Variants in DOCK1 observed in about 807,000 individuals in gnomAD.
The protein encoded by DOCK1 is dedicator of cytokinesis 1.
DOCK1 carries 138 observed loss-of-function variants against 262.7 expected under a neutral mutation model. The ratio of observed to expected loss-of-function variants is 0.53; its 90% CI spans 0.46 to 0.61. DOCK1 has a LOEUF of 0.61. Ranked by LOEUF, DOCK1 falls within the 20% of genes least tolerant of loss-of-function variation. DOCK1 has a pLI of 0.00. For synonymous variants in DOCK1, 866 were observed against 867.4 expected (o/e 1.00, Z 0.03); for missense variants, 1,908 against 2,370.7 (o/e 0.80, Z 4.05).
chr10:127,138,257 G>T (rs1333849621), intron 27 of DOCK1, among the ~76,000 whole-genome samples: 1 of 152,146 alleles, frequency 6.6e-6, no homozygotes, highest in Non-Finnish European at 1.5e-5. Context: ...TTAATATTGT[G>T]TTAATGTGCA....
chr10:127,320,378 C>T (rs971385903), intron 29 of DOCK1, among the ~76,000 whole-genome samples: 12 of 152,194 alleles, frequency 7.9e-5, no homozygotes, highest in African/African-American at 2.2e-4. Flanking sequence ...AGCCAAGGAG[C>T]AGTTGCGTAA....
At chr10:127,186,606 ACAGAGAGCCAAACCGTAT>A (rs2056295362) in intron 27 of DOCK1, among the ~76,000 whole-genome samples, 1 of 145,278 alleles carries the variant, frequency 6.9e-6, no homozygotes, top group Admixed American at 7.1e-5. Context: ...TTGGGTGGGG[ACAGAGAGCCAAACCGTAT>A]CAGAGGGGCA....
intron 29 of DOCK1, among the ~76,000 whole-genome samples, chr10:127,259,191 G>A (rs564417560): frequency 6.6e-6 from 1 of 152,336 alleles, no homozygotes; most frequent in Admixed American, 6.5e-5. Context: ...GGGGAGCAGA[G>A]TGGGGGTCTT....
At chr10:127,256,376 A>G (rs866589690) in intron 28 of DOCK1, among the ~76,000 whole-genome samples, 2 of 152,228 alleles carry the variant, frequency 1.3e-5, no homozygotes, top group Non-Finnish European at 1.5e-5. Flanking sequence ...GCACCTAATT[A>G]TGATTCAGGA....
intron 11 of DOCK1, among the ~76,000 whole-genome samples, chr10:127,011,040 G>A (rs1020169796): frequency 2.6e-5 from 4 of 152,214 alleles, no homozygotes; most frequent in Non-Finnish European, 5.9e-5. Context: ...GTTATGAGTT[G>A]TTTGAGATTG....
chr10:127,297,347 C>G (rs1453847094), intron 29 of DOCK1, among the ~76,000 whole-genome samples: 4 of 152,098 alleles, frequency 2.6e-5, no homozygotes, highest in Non-Finnish European at 5.9e-5. Context: ...ATGGATTATA[C>G]TGGCTGGATC....
At chr10:127,109,505 A>G (rs2048737700) in intron 24 of DOCK1, among the ~76,000 whole-genome samples, 1 of 152,058 alleles carries the variant, frequency 6.6e-6, no homozygotes, top group Non-Finnish European at 1.5e-5. Context: ...CATTTTTATA[A>G]CCCCAGCAAG....
At chr10:127,396,564 A>T (rs1238388410) in intron 38 of DOCK1, among the ~76,000 whole-genome samples, 2 of 151,732 alleles carry the variant, frequency 1.3e-5, no homozygotes, top group African/African-American at 4.8e-5. Context: ...TCTGGAGTCC[A>T]CTCCCTCACC....
intron 48 of DOCK1, among the ~76,000 whole-genome samples, chr10:127,435,358 C>T (rs2069613289): frequency 6.6e-6 from 1 of 152,132 alleles, no homozygotes; most frequent in Non-Finnish European, 1.5e-5. Flanking sequence ...CCAGAGAGCC[C>T]CAAGGGACGG....
At chr10:127,328,032 G>A (rs192078665) in intron 29 of DOCK1, among the ~76,000 whole-genome samples, 6 of 147,674 alleles carry the variant, frequency 4.1e-5, no homozygotes, top group Middle Eastern at 3.6e-3. Flanking sequence ...GTAGTGAGTA[G>A]AAGTTGCCAA....
At chr10:127,188,651 C>T (rs2056490267) in intron 27 of DOCK1, among the ~76,000 whole-genome samples, 1 of 152,168 alleles carries the variant, frequency 6.6e-6, no homozygotes, top group Non-Finnish European at 1.5e-5. Flanking sequence ...TTGAGACCAC[C>T]TGCTTGGATT....
intron 29 of DOCK1, among the ~76,000 whole-genome samples, chr10:127,320,844 C>T (rs2062487801): frequency 6.6e-6 from 1 of 152,092 alleles, no homozygotes; most frequent in South Asian, 2.1e-4. Flanking sequence ...TGGAGCCTTC[C>T]TTGTCGATTG....
At chr10:126,918,696 T>A (rs1251649862) in intron 1 of DOCK1, among the ~76,000 whole-genome samples, 1 of 152,166 alleles carries the variant, frequency 6.6e-6, no homozygotes, top group Non-Finnish European at 1.5e-5. Context: ...AGCCAGGATG[T>A]CTCAGCCATT....
chr10:127,090,463 CTT>C (rs71032537), intron 23 of DOCK1, among the ~76,000 whole-genome samples: 10 of 148,010 alleles, frequency 6.8e-5, no homozygotes, highest in East Asian at 4.0e-4. Context: ...GAGAATGGGA[CTT>C]TTTTTTTTTC....
intron 38 of DOCK1, among the ~76,000 whole-genome samples, chr10:127,390,274 C>T (rs2134185570): frequency 6.6e-6 from 1 of 152,256 alleles, no homozygotes; most frequent in African/African-American, 2.4e-5. Context: ...GGACTCTAAC[C>T]CTCACTGTTG....
chr10:126,919,583 A>T (rs2032961850), intron 1 of DOCK1, among the ~76,000 whole-genome samples: 1 of 152,174 alleles, frequency 6.6e-6, no homozygotes, highest in Admixed American at 6.5e-5. Flanking sequence ...CCTGAGACTT[A>T]GGTGACCCCG....
intron 27 of DOCK1, among the ~76,000 whole-genome samples, chr10:127,157,791 T>A (rs74158626): frequency 6.6e-6 from 1 of 152,222 alleles, no homozygotes; most frequent in Non-Finnish European, 1.5e-5. Flanking sequence ...AAGTTTTGTT[T>A]GGGATCTTTC....
At chr10:127,151,333 T>C (rs2052467587) in intron 27 of DOCK1, among the ~76,000 whole-genome samples, 1 of 152,128 alleles carries the variant, frequency 6.6e-6, no homozygotes, top group South Asian at 2.1e-4. Flanking sequence ...ATAAAGACTT[T>C]GGGAGGCAGC....
chr10:127,050,868 C>T (rs901833445), intron 21 of DOCK1, among the ~76,000 whole-genome samples: 1 of 151,968 alleles, frequency 6.6e-6, no homozygotes, highest in African/African-American at 2.4e-5. Flanking sequence ...CTCACATTCC[C>T]TAAAACTTTG....
Sources: gnomAD v4.1 joint callset for allele counts (sites outside exome capture counted in the v4.1 genomes callset) on GRCh38, gnomAD v4.1.1 for gene constraint, MANE v1.5 for transcripts, NCBI Gene and HGNC (gene_info 2026-07-23, HGNC 2026-07-21) for gene names.